RANBP2: variants seen among roughly 807,000 people sequenced by gnomAD.
The protein encoded by RANBP2 is RAN binding protein 2.
Under a neutral mutation model 303.6 loss-of-function variants are expected in RANBP2, and 57 were observed. That is an observed-to-expected ratio of 0.19 (90% CI 0.15 to 0.23). The LOEUF is 0.23. RANBP2 is among the 10% of genes least tolerant of loss of function. The probability of loss-of-function intolerance (pLI) is 1.00; values close to 1 mark genes in which losing one functional copy is unlikely to be tolerated. For missense variants in RANBP2, 3,138 were observed against 3,780.8 expected, an observed-to-expected ratio of 0.83 and a Z score of 4.46; for synonymous variants, 1,167 against 1,301.5, an observed-to-expected ratio of 0.90 and a Z score of 2.23.
chr2:109,398,805 G>A, the RANBP2 span: 5 of 1,613,876 alleles, frequency 3.1e-6, no homozygotes, highest in Non-Finnish European at 4.2e-6. Context: ...CGCTCAGTGT[G>A]ACGCACAGAT....
the RANBP2 span, among the ~76,000 whole-genome samples, chr2:109,464,170 G>T: frequency 6.6e-6 from 1 of 152,180 alleles, no homozygotes; most frequent in Non-Finnish European, 1.5e-5. Flanking sequence ...ACCACTTAAT[G>T]AGGGGGCTTG....
chr2:109,107,880 C>T, the RANBP2 span, among the ~76,000 whole-genome samples: 2 of 151,872 alleles, frequency 1.3e-5, no homozygotes, highest in African/African-American at 4.8e-5. Context: ...GGATTACAGG[C>T]GCCTGCCACC....
the RANBP2 span, among the ~76,000 whole-genome samples, chr2:109,697,526 A>C: frequency 5.3e-5 from 8 of 151,812 alleles, no homozygotes; most frequent in Non-Finnish European, 8.8e-5. Flanking sequence ...CTGAATTTAA[A>C]ATTCCAAAAG....
At chr2:109,450,911 T>C in the RANBP2 span, among the ~76,000 whole-genome samples, 2 of 152,236 alleles carry the variant, frequency 1.3e-5, no homozygotes, top group African/African-American at 4.8e-5. Context: ...CCCTGGACAC[T>C]AGATGGTGTG....
At chr2:109,335,378 G>T in the RANBP2 span, among the ~76,000 whole-genome samples, 4 of 152,056 alleles carry the variant, frequency 2.6e-5, no homozygotes, top group Admixed American at 2.6e-4. Context: ...GTCTCTGCTG[G>T]GCTGTTCCAG....
chr2:109,325,885 G>A, the RANBP2 span, among the ~76,000 whole-genome samples: 1 of 152,216 alleles, frequency 6.6e-6, no homozygotes, highest in African/African-American at 2.4e-5. Flanking sequence ...TTCAGAGAGG[G>A]TTGAAAGTAT....
the RANBP2 span, among the ~76,000 whole-genome samples, chr2:109,677,954 C>T: frequency 6.6e-6 from 1 of 152,216 alleles, no homozygotes. Flanking sequence ...GTCCAGCTGT[C>T]GCAAGAGTGA....
chr2:109,570,634 G>C, the RANBP2 span, among the ~76,000 whole-genome samples: 5 of 133,396 alleles, frequency 3.7e-5, no homozygotes, highest in Admixed American at 5.1e-4. Context: ...AAGCAATTCT[G>C]CCTCAGCCTC....
At chr2:108,961,322 G>A in the RANBP2 span, among the ~76,000 whole-genome samples, 1 of 152,150 alleles carries the variant, frequency 6.6e-6, no homozygotes, top group Non-Finnish European at 1.5e-5. Context: ...GGAGGCCTCT[G>A]CCCCCAGGAC....
the RANBP2 span, among the ~76,000 whole-genome samples, chr2:108,843,452 C>T: frequency 6.6e-6 from 1 of 152,248 alleles, no homozygotes; most frequent in African/African-American, 2.4e-5. Context: ...GCCACCGCAC[C>T]TGGCCTAGAG....
At chr2:108,958,441 A>G in the RANBP2 span, among the ~76,000 whole-genome samples, 2 of 152,150 alleles carry the variant, frequency 1.3e-5, no homozygotes, top group African/African-American at 2.4e-5. Context: ...AAACAAAAAA[A>G]ACCCCAGGGC....
the RANBP2 span, among the ~76,000 whole-genome samples, chr2:109,571,345 C>T: frequency 3.9e-5 from 6 of 152,202 alleles, no homozygotes; most frequent in Admixed American, 1.3e-4. Context: ...TTTGATGTTG[C>T]GTGAACATCA....
the RANBP2 span, among the ~76,000 whole-genome samples, chr2:109,099,728 C>T: frequency 6.6e-6 from 1 of 152,094 alleles, no homozygotes; most frequent in South Asian, 2.1e-4. Flanking sequence ...ATATCCCTAG[C>T]GGAGCCAGGA....
the RANBP2 span, among the ~76,000 whole-genome samples, chr2:109,097,106 C>T: frequency 3.7e-4 from 57 of 152,244 alleles, no homozygotes; most frequent in Admixed American, 9.8e-4. Context: ...GAGATCGAGA[C>T]CATCCTGGCC....
chr2:109,698,094 A>T, the RANBP2 span, among the ~76,000 whole-genome samples: 2 of 152,040 alleles, frequency 1.3e-5, no homozygotes, highest in African/African-American at 2.4e-5. Context: ...TCCTGACCTC[A>T]GGTGATCCAC....
chr2:109,656,655 C>G, the RANBP2 span, among the ~76,000 whole-genome samples: 1 of 152,152 alleles, frequency 6.6e-6, no homozygotes, highest in Non-Finnish European at 1.5e-5. Flanking sequence ...CTTAAACATT[C>G]TAAAGGAAGC....
the RANBP2 span, among the ~76,000 whole-genome samples, chr2:109,255,853 C>T: frequency 6.6e-6 from 1 of 152,204 alleles, no homozygotes; most frequent in African/African-American, 2.4e-5. Context: ...AAAGAGAAGA[C>T]AGTTAAATTA....
At chr2:108,985,350 C>T in the RANBP2 span, among the ~76,000 whole-genome samples, 1 of 152,206 alleles carries the variant, frequency 6.6e-6, no homozygotes, top group African/African-American at 2.4e-5. Context: ...TGAAGGCGCG[C>T]CTTCCTACTG....
the RANBP2 span, among the ~76,000 whole-genome samples, chr2:109,217,940 G>A: frequency 6.6e-6 from 1 of 152,192 alleles, no homozygotes; most frequent in Non-Finnish European, 1.5e-5. Context: ...GCTCAGCCAG[G>A]ACCTTTCCCT....
Sources: gnomAD v4.1 joint callset for allele counts (sites outside exome capture counted in the v4.1 genomes callset) on GRCh38, gnomAD v4.1.1 for gene constraint, MANE v1.5 for transcripts, NCBI Gene and HGNC (gene_info 2026-07-23, HGNC 2026-07-21) for gene names.